Variants in OXCT1 observed in about 807,000 individuals in gnomAD.
OXCT1 encodes the protein 3-oxoacid CoA-transferase 1.
A neutral mutation model predicts 69.6 loss-of-function variants in OXCT1; 27 were observed. The ratio of observed to expected loss-of-function variants is 0.39; its 90% confidence interval spans 0.29 to 0.54. The LOEUF (loss-of-function observed/expected upper bound fraction) is 0.54. OXCT1 is among the 20% of genes least tolerant of loss of function. The pLI, the probability that OXCT1 is intolerant of heterozygous loss-of-function variation, is 0.72. For synonymous variants in OXCT1, 202 were observed against 217.8 expected (o/e 0.93, Z 0.64); for missense variants, 437 against 650.2 (o/e 0.67, Z 3.57).
chr5:41,793,264 A>C (rs2112226077), intron 13 of OXCT1, among the ~76,000 whole-genome samples: 1 of 152,340 alleles, frequency 6.6e-6, no homozygotes, highest in South Asian at 2.1e-4. Flanking sequence ...AAATCCTTAA[A>C]CACACACACA....
At chr5:41,838,602 A>T (rs1748485536) in intron 7 of OXCT1, among the ~76,000 whole-genome samples, 1 of 152,076 alleles carries the variant, frequency 6.6e-6, no homozygotes, top group African/African-American at 2.4e-5. Context: ...ACTAGTATAA[A>T]GGTAAATTCA....
intron 16 of OXCT1, among the ~76,000 whole-genome samples, chr5:41,735,660 G>C (rs879732878): frequency 1.3e-5 from 2 of 152,194 alleles, no homozygotes; most frequent in Non-Finnish European, 2.9e-5. Flanking sequence ...TACATACAAG[G>C]CTCTACCAAT....
At chr5:41,794,371 G>C in intron 12 of OXCT1, 1 of 592,886 alleles carries the variant, frequency 1.7e-6, no homozygotes, top group Non-Finnish European at 3.0e-6. Context: ...ACAAACACTA[G>C]CTAGAAAGTG....
chr5:41,825,234 G>T (rs1296985919), intron 7 of OXCT1, among the ~76,000 whole-genome samples: 2 of 152,148 alleles, frequency 1.3e-5, no homozygotes, highest in Non-Finnish European at 2.9e-5. Flanking sequence ...TTTTGGACAT[G>T]AGTGGTTGAA....
chr5:41,769,948 C>CG (rs1166875559), intron 13 of OXCT1, among the ~76,000 whole-genome samples: 4 of 151,880 alleles, frequency 2.6e-5, no homozygotes, highest in Non-Finnish European at 5.9e-5. Flanking sequence ...TTAATAGAGA[C>CG]GGGGTTTCAC....
rs775172745 is a variant in OXCT1 at position 41,840,502 on chromosome 5, T to C, written c.681A>G (p.Ala227=). The C allele has an allele frequency of 1.9e-6, 3 of 1,612,806 alleles. No homozygotes were observed. Among genetic ancestry groups the C allele is most frequent in the Non-Finnish European group, 2.5e-6 (3 of 1,179,006 alleles). Reference sequence around the variant, plus strand: ...TGCACATTGGCAAGTTGAAATTCCTTGCACTTTTCCTACAGGGGTGGAGGA... The same window carrying C: ...TGCACATTGGCAAGTTGAAATTCCTCGCACTTTTCCTACAGGGGTGGAGGA... ...RAGNVIFRKS[A]RNFNLPMCKA... is the part of the protein sequence containing the mutation. The change falls in exon 7 of 17, where the codon GCA becomes GCG. Residue 227 remains alanine (A), a synonymous_variant. Coordinates refer to ENST00000196371, the MANE Select transcript of OXCT1 (RefSeq NM_000436.4).
chr5:41,861,371 A>G lies in OXCT1; in HGVS notation c.221T>C (p.Ile74Thr), dbSNP rs952488136. The part of the protein sequence containing the change: ...FGLCGIPENL[I>T]DALLKTGVKG... ...TACTCCAGTTTTCAGTAAAGCATCT[A>G]TAAGATTCTCTGGAATTCCACATAG... The change falls in exon 3 of 17, where the codon ATA (isoleucine) becomes ACA (threonine). Residue 74 changes from isoleucine (I) to threonine (T), a missense_variant. Ile to Thr is a moderately conservative substitution (Grantham distance 89). This residue lies in a region of OXCT1 where 252 missense variants were observed against 397.4 expected (regional missense o/e 0.63). Coordinates refer to ENST00000196371, the MANE Select transcript of OXCT1 (RefSeq NM_000436.4). 1.3e-5 allele frequency: 21 copies of G among 1,612,646 alleles called. No individual in the cohort carries two copies. The highest frequency in any genetic ancestry group is 1.6e-5 in the Non-Finnish European group (19 of 1,178,866).
intron 15 of OXCT1, among the ~76,000 whole-genome samples, chr5:41,747,327 AGGTCCTTGTT>A (rs1229253972): frequency 5.3e-5 from 8 of 152,014 alleles, no homozygotes; most frequent in African/African-American, 1.7e-4. Flanking sequence ...TTTTTCCAGA[AGGTCCTTGTT>A]GGCTTTCTAA....
intron 15 of OXCT1, among the ~76,000 whole-genome samples, chr5:41,744,616 C>T (rs2112024041): frequency 1.3e-5 from 2 of 152,144 alleles, no homozygotes; most frequent in South Asian, 4.2e-4. Context: ...ATAGATAGCT[C>T]TTATTATTTT....
At chr5:41,793,170 T>G (rs1746007083) in intron 13 of OXCT1, among the ~76,000 whole-genome samples, 1 of 152,220 alleles carries the variant, frequency 6.6e-6, no homozygotes, top group Non-Finnish European at 1.5e-5. Context: ...TTAAGAGATT[T>G]CAAGAAAACT....
intron 13 of OXCT1, among the ~76,000 whole-genome samples, chr5:41,783,208 A>G (rs760964875): frequency 1.3e-5 from 2 of 152,214 alleles, no homozygotes; most frequent in Non-Finnish European, 2.9e-5. Flanking sequence ...TGCATTTACT[A>G]TTCTATTTTT....
chr5:41,816,928 C>T (rs1373502897), intron 7 of OXCT1, among the ~76,000 whole-genome samples: 1 of 152,134 alleles, frequency 6.6e-6, no homozygotes, highest in African/African-American at 2.4e-5. Context: ...AGACTGTACT[C>T]AAACTCTATA....
intron 6 of OXCT1, 69 bp from the exon 7 acceptor site, chr5:41,840,580 A>C: frequency 1.1e-6 from 1 of 888,310 alleles, no homozygotes; most frequent in Admixed American, 2.0e-5. Context: ...GTCACCTTTA[A>C]GGTTTTATAG....
At chr5:41,765,142 T>C (rs1744535712) in intron 13 of OXCT1, among the ~76,000 whole-genome samples, 1 of 152,164 alleles carries the variant, frequency 6.6e-6, no homozygotes, top group South Asian at 2.1e-4. Flanking sequence ...TCATCATCCT[T>C]CACTCCAGCT....
intron 16 of OXCT1, among the ~76,000 whole-genome samples, chr5:41,735,574 T>A (rs1266254282): frequency 6.6e-6 from 1 of 152,262 alleles, no homozygotes; most frequent in Non-Finnish European, 1.5e-5. Flanking sequence ...GTAAATTTTT[T>A]TAAAGTTTTT....
chr5:41,737,784 G>A (rs752803921), intron 16 of OXCT1, among the ~76,000 whole-genome samples: 4 of 152,196 alleles, frequency 2.6e-5, no homozygotes, highest in Non-Finnish European at 5.9e-5. Context: ...GGCCGGGCAC[G>A]GTGGCTCACG....
At chr5:41,825,669 G>C (rs1176963495) in intron 7 of OXCT1, among the ~76,000 whole-genome samples, 1 of 152,102 alleles carries the variant, frequency 6.6e-6, no homozygotes, top group Non-Finnish European at 1.5e-5. Context: ...AAGAACAACA[G>C]ATGTGACTTT....
chr5:41,812,120 A>G (rs1251128220), intron 7 of OXCT1, among the ~76,000 whole-genome samples: 1 of 152,080 alleles, frequency 6.6e-6, no homozygotes, highest in Non-Finnish European at 1.5e-5. Context: ...AGAAACCAAG[A>G]TTCAGGACCT....
intron 14 of OXCT1, among the ~76,000 whole-genome samples, chr5:41,756,737 G>A (rs1342504707): frequency 6.6e-6 from 1 of 152,116 alleles, no homozygotes; most frequent in Non-Finnish European, 1.5e-5. Context: ...GAAGACGGAA[G>A]AGTTCTGTTG....
Sources: allele counts gnomAD v4.1 joint callset (sites outside exome capture counted in the v4.1 genomes callset), GRCh38; gene constraint gnomAD v4.1.1; regional missense constraint gnomAD v4.1.1; transcripts MANE v1.5; gene names NCBI Gene and HGNC (gene_info 2026-07-23, HGNC 2026-07-21).